The following ESR2 variants were observed in gnomAD, a reference collection of about 807,000 sequenced individuals.
ESR2 encodes estrogen receptor beta.
A neutral mutation model predicts 49.6 loss-of-function variants in ESR2; 36 were observed. That is an observed-to-expected ratio of 0.73 (90% CI 0.56 to 0.96). ESR2 has a LOEUF of 0.96. Among genes scored for constraint, ESR2 ranks in the 40% least tolerant of loss-of-function variants. The pLI is 0.00. For synonymous variants in ESR2, 320 were observed against 266.1 expected, an observed-to-expected ratio of 1.20 and a Z score of -1.97; for missense variants, 714 against 693.0, an observed-to-expected ratio of 1.03 and a Z score of -0.34.
chr14:64,303,617 C>T (rs1020037742), intron 1 of ESR2: 2 of 152,144 alleles, frequency 1.3e-5, no homozygotes, highest in Admixed American at 1.3e-4. Context: ...TTTCTAAAGA[C>T]TTTAAGTGAT....
At chr14:64,305,219 A>G (rs1429473319) in intron 1 of ESR2, among the ~76,000 whole-genome samples, 1 of 145,770 alleles carries the variant, frequency 6.9e-6, no homozygotes, top group Non-Finnish European at 1.5e-5. Context: ...TGAACCCAGG[A>G]GGCAGAGCTT....
At chr14:64,315,416 T>C (rs2140887762) in intron 1 of ESR2, among the ~76,000 whole-genome samples, 1 of 152,236 alleles carries the variant, frequency 6.6e-6, no homozygotes, top group South Asian at 2.1e-4. Flanking sequence ...ACCAATTCTT[T>C]GAAAAACACA....
chr14:64,248,505 C>CAAAAAAAAAAA (rs56108535), intron 7 of ESR2, among the ~76,000 whole-genome samples: 11 of 87,242 alleles, frequency 1.3e-4, no homozygotes, highest in African/African-American at 2.2e-4. Flanking sequence ...GATCCTGTCT[C>CAAAAAAAAAAA]AAAAAAAAAA....
At chr14:64,237,525 A>G (rs911615060) in intron 7 of ESR2, among the ~76,000 whole-genome samples, 1 of 152,220 alleles carries the variant, frequency 6.6e-6, no homozygotes, top group African/African-American at 2.4e-5. Flanking sequence ...AGGAGCCAAA[A>G]TTGTGTGCCT....
chr14:64,331,430 C>T lies in ESR2; in HGVS notation c.-91+6468G>A, dbSNP rs146112059. ...TATTTTGACACACTTTTCTCAATAA[C>T]TATAGAACAAGCAAGAAGTCCTGGG... On this transcript the variant is annotated intron_variant, in intron 1 of 8. Transcript: ENST00000358599. Among the ~76,000 whole-genome samples, 614 of 152,270 alleles carry T rather than the reference C, an allele frequency of 4.0e-3. 4 individuals are homozygous for T. The highest frequency in any genetic ancestry group is 6.9e-3 in the Non-Finnish European group (466 of 68,026).
chr14:64,254,953 G>A (rs932004440), intron 6 of ESR2, among the ~76,000 whole-genome samples: 10 of 151,816 alleles, frequency 6.6e-5, no homozygotes, highest in Admixed American at 6.6e-4. Context: ...AGTTATAAAG[G>A]CAGTGTAAGT....
At chr14:64,279,750 G>T (rs187916639) in intron 3 of ESR2, among the ~76,000 whole-genome samples, 157 of 152,322 alleles carry the variant, frequency 1.0e-3, no homozygotes, top group Middle Eastern at 3.4e-3. Context: ...GGGTGAACGA[G>T]GGGTAAGACC....
At chr14:64,253,340 G>C (rs1050962734) in intron 6 of ESR2, among the ~76,000 whole-genome samples, 14 of 151,614 alleles carry the variant, frequency 9.2e-5, no homozygotes, top group African/African-American at 3.4e-4. Flanking sequence ...ACAGGCGCCT[G>C]CCACCACACC....
intron 1 of ESR2, among the ~76,000 whole-genome samples, chr14:64,326,074 C>A (rs2077386460): frequency 1.3e-5 from 2 of 151,360 alleles, no homozygotes; most frequent in African/African-American, 4.9e-5. Flanking sequence ...CTGAAATATT[C>A]TTTTATAAAT....
intron 6 of ESR2, among the ~76,000 whole-genome samples, chr14:64,254,979 TG>T (rs1378188183): frequency 6.6e-6 from 1 of 152,170 alleles, no homozygotes; most frequent in Middle Eastern, 3.2e-3. Context: ...AGAAATAATT[TG>T]TAAGAAAAAT....
At position 64,282,764 on chromosome 14, in the gene ESR2, T is replaced by C. The variant is rs1409991679; in HGVS notation, c.222A>G (p.Thr74=). ...NLEGGPGRQT[T]SPNVLWPTPG... is the part of the protein sequence containing the mutation. ...GTGTTGGCCACAACACATTTGGGCT[T>C]GTGGTCTGCCGACCAGGCCCACCTT... The change falls in exon 2 of 9, where the codon ACA becomes ACG. Residue 74 remains threonine, a synonymous_variant. Coordinates refer to ENST00000341099, the MANE Select transcript of ESR2 (RefSeq NM_001437.3). The C allele has an allele frequency of 1.2e-6, 2 of 1,614,258 alleles. No homozygotes were observed. The highest frequency in any genetic ancestry group is 1.7e-6 in the Non-Finnish European group (2 of 1,180,040).
intron 6 of ESR2, among the ~76,000 whole-genome samples, chr14:64,254,995 T>C (rs1460993428): frequency 6.6e-6 from 1 of 152,042 alleles, no homozygotes; most frequent in Non-Finnish European, 1.5e-5. Context: ...AAAAATAACT[T>C]TTCTTCTATT....
rs1196437986 is a variant in ESR2 at position 64,229,309 on chromosome 14, CA to C, written c.*3827del. ...ATTCTCACAGAAGCAAGTCCTGGGG[CA>C]GGAGCAATACTGGCCCGCTAGGCAA... On this transcript the variant is annotated 3_prime_UTR_variant, in exon 9 of 9. Coordinates refer to ENST00000341099, the MANE Select transcript of ESR2 (RefSeq NM_001437.3). Among the ~76,000 whole-genome samples the C allele has an allele frequency of 1.3e-5, 2 of 152,110 alleles. No homozygotes were observed. The highest frequency in any genetic ancestry group is 2.9e-5 in the Non-Finnish European group (2 of 68,034).
intron 4 of ESR2, among the ~76,000 whole-genome samples, chr14:64,261,241 T>TC (rs1316987084): frequency 1.5e-5 from 2 of 132,724 alleles, no homozygotes; most frequent in African/African-American, 5.7e-5. Flanking sequence ...TCTTTTTTCT[T>TC]TTTTTTTTTT....
At chr14:64,226,737 C>A (rs2098721284), downstream of ESR2, 1 of 142,946 alleles carries the variant, frequency 7.0e-6, no homozygotes, top group Non-Finnish European at 1.5e-5. Flanking sequence ...GTCACCCAGG[C>A]TGGAGTGCGG....
chr14:64,337,418 A>G (rs2077545055), intron 1 of ESR2: 1 of 152,236 alleles, frequency 6.6e-6, no homozygotes, highest in South Asian at 2.1e-4. Flanking sequence ...ATTTGCTTCA[A>G]TTCCCTTCTT....
At chr14:64,337,032 G>A (rs116982359) in intron 1 of ESR2, among the ~76,000 whole-genome samples, 1,684 of 152,238 alleles carry the variant, frequency 0.011, 57 homozygotes, top group East Asian at 0.088. Context: ...TGAGCTGAGG[G>A]CAGGAACAGT....
At chr14:64,266,000 G>T (rs1232645557) in intron 4 of ESR2, among the ~76,000 whole-genome samples, 2 of 152,110 alleles carry the variant, frequency 1.3e-5, no homozygotes, top group African/African-American at 4.8e-5. Context: ...CTTTCTCTAT[G>T]GTCAGTGAAG....
rs1206773876 is a variant in ESR2 at position 64,308,981 on chromosome 14, AAAAGAAAAGAGAAAAG to A, written c.-90-25922_-90-25907del. ...TCTTTGTTAAAAAGAAAGAAAATAA[AAAAGAAAAGAGAAAAG>A]AAAGAAAAGAAAATGAAAAGAAAAG... is the stretch of plus-strand genomic sequence containing the variant. On this transcript the variant is annotated intron_variant, in intron 1 of 8. Transcript: ENST00000358599. 2.6e-4 allele frequency among the ~76,000 whole-genome samples: 39 copies of A among 152,296 alleles called. No homozygotes were observed. In the South Asian group the frequency reaches 2.7e-3, roughly 11 times the overall value.
Sources: allele counts gnomAD v4.1 joint callset (sites outside exome capture counted in the v4.1 genomes callset), GRCh38; gene constraint gnomAD v4.1.1; transcripts MANE v1.5; gene names NCBI Gene and HGNC (gene_info 2026-07-23, HGNC 2026-07-21).